The following ZFPM2 variants were observed in gnomAD, a reference collection of about 807,000 sequenced individuals.
ZFPM2 encodes the protein zinc finger protein ZFPM2.
ZFPM2 carries 20 observed loss-of-function variants against 98.6 expected under a neutral mutation model. That is an observed-to-expected ratio of 0.20 (90% CI 0.14 to 0.29). The LOEUF (loss-of-function observed/expected upper bound fraction) is 0.29, where lower values mean the gene tolerates loss of function less well. ZFPM2 is among the 10% of genes least tolerant of loss of function. The pLI, the probability that ZFPM2 is intolerant of heterozygous loss-of-function variation, is 1.00. For missense variants in ZFPM2, 1,310 were observed against 1,388.6 expected, an observed-to-expected ratio of 0.94 and a Z score of 0.90; for synonymous variants, 518 against 502.7, an observed-to-expected ratio of 1.03 and a Z score of -0.41.
At chr8:105,456,147 T>G (rs1812585124) in intron 3 of ZFPM2, among the ~76,000 whole-genome samples, 2 of 95,498 alleles carry the variant, frequency 2.1e-5, no homozygotes, top group South Asian at 3.6e-4. Context: ...CAGGAAAATG[T>G]TTTTTTTTGT....
rs142501095 is a variant in ZFPM2 at position 105,526,169 on chromosome 8, T to C, written c.302-35194T>C. On this transcript the variant is annotated intron_variant, in intron 3 of 7. Transcript: ENST00000407775. ...TGACATTGTAGCTTTTTAGGGATAA[T>C]TTTTTTCCCCCTTTCTCTTGAAAAT... Among the ~76,000 whole-genome samples the C allele has an allele frequency of 2.4e-3, 359 of 152,226 alleles. 3 individuals carry two copies. The highest frequency in any genetic ancestry group is 8.4e-3 in the African/African-American group (349 of 41,550).
At chr8:105,554,519 A>G (rs1341009731) in intron 3 of ZFPM2, among the ~76,000 whole-genome samples, 1 of 152,190 alleles carries the variant, frequency 6.6e-6, no homozygotes, top group Non-Finnish European at 1.5e-5. Flanking sequence ...ATGTCTTCCA[A>G]CCATGAAGAA....
chr8:105,764,079 G>T (rs982191453), intron 5 of ZFPM2, among the ~76,000 whole-genome samples: 2 of 151,840 alleles, frequency 1.3e-5, no homozygotes, highest in South Asian at 2.1e-4. Flanking sequence ...TCAGCCTGTT[G>T]TGTTTTTCCA....
intron 1 of ZFPM2, among the ~76,000 whole-genome samples, chr8:105,415,905 C>T (rs1811671348): frequency 6.6e-6 from 1 of 152,014 alleles, no homozygotes; most frequent in Admixed American, 6.6e-5. Context: ...CTTCCTATGG[C>T]CTGTTTTAAA....
chr8:105,522,356 A>G (rs1402405360), intron 3 of ZFPM2, among the ~76,000 whole-genome samples: 1 of 152,246 alleles, frequency 6.6e-6, no homozygotes, highest in Non-Finnish European at 1.5e-5. Flanking sequence ...ACTTTTCACC[A>G]TGTAATTAAA....
At chr8:105,402,473 T>A (rs1811359171) in intron 1 of ZFPM2, among the ~76,000 whole-genome samples, 1 of 152,018 alleles carries the variant, frequency 6.6e-6, no homozygotes, top group Non-Finnish European at 1.5e-5. Context: ...TTAAAAAATT[T>A]ATTTTTATCT....
At chr8:105,516,809 A>G (rs1278181752) in intron 3 of ZFPM2, among the ~76,000 whole-genome samples, 1 of 152,216 alleles carries the variant, frequency 6.6e-6, no homozygotes, top group East Asian at 1.9e-4. Flanking sequence ...GCACCGTTCC[A>G]GAGTATTGTC....
At chr8:105,749,811 G>A (rs145644489) in intron 5 of ZFPM2, among the ~76,000 whole-genome samples, 2 of 151,908 alleles carry the variant, frequency 1.3e-5, no homozygotes, top group South Asian at 2.1e-4. Flanking sequence ...AGTGGAGGAA[G>A]GGGGGCAGAA....
intron 1 of ZFPM2, among the ~76,000 whole-genome samples, chr8:105,337,125 A>G (rs540130800): frequency 2.6e-5 from 4 of 151,808 alleles, no homozygotes; most frequent in Non-Finnish European, 4.4e-5. Context: ...TATTAGGACA[A>G]TCCAGCTGGT....
chr8:105,553,723 T>G (rs1451726944), intron 3 of ZFPM2, among the ~76,000 whole-genome samples: 3 of 152,196 alleles, frequency 2.0e-5, no homozygotes, highest in Non-Finnish European at 2.9e-5. Context: ...GAGACTCATC[T>G]TTGGCAAATC....
intron 5 of ZFPM2, among the ~76,000 whole-genome samples, chr8:105,725,496 C>T (rs566184815): frequency 4.6e-5 from 7 of 151,800 alleles, no homozygotes; most frequent in South Asian, 4.1e-4. Flanking sequence ...AAGACCAAGA[C>T]AATTGTTTCA....
chr8:105,681,243 C>T (rs540667613), intron 5 of ZFPM2, among the ~76,000 whole-genome samples: 133 of 152,218 alleles, frequency 8.7e-4, no homozygotes, highest in African/African-American at 3.0e-3. Context: ...CCCATGTCCT[C>T]ATGTCTCTAC....
intron 5 of ZFPM2, among the ~76,000 whole-genome samples, chr8:105,767,102 A>G (rs1386649328): frequency 6.6e-6 from 1 of 151,848 alleles, no homozygotes; most frequent in Non-Finnish European, 1.5e-5. Context: ...ATCACAATAA[A>G]TATTGTGGTT....
chr8:105,608,232 G>A (rs1459470877), intron 4 of ZFPM2, among the ~76,000 whole-genome samples: 1 of 151,950 alleles, frequency 6.6e-6, no homozygotes, highest in Non-Finnish European at 1.5e-5. Flanking sequence ...TTGGGTACGG[G>A]GCTTAGTAAC....
At chr8:105,509,802 T>G (rs1269571786) in intron 3 of ZFPM2, among the ~76,000 whole-genome samples, 9 of 152,206 alleles carry the variant, frequency 5.9e-5, no homozygotes, top group Admixed American at 5.9e-4. Context: ...AGATTTTGTT[T>G]CATATAAATA....
intron 5 of ZFPM2, among the ~76,000 whole-genome samples, chr8:105,753,120 C>T (rs750395399): frequency 6.6e-5 from 10 of 152,108 alleles, no homozygotes; most frequent in Non-Finnish European, 1.3e-4. Flanking sequence ...CTCTCATTAG[C>T]AAACCAAACA....
At chr8:105,495,413 C>G (rs1466074494) in intron 3 of ZFPM2, among the ~76,000 whole-genome samples, 1 of 152,144 alleles carries the variant, frequency 6.6e-6, no homozygotes, top group African/African-American at 2.4e-5. Flanking sequence ...AAATTTTGCT[C>G]CCTTGATACA....
At chr8:105,493,500 A>G (rs1453523618) in intron 3 of ZFPM2, among the ~76,000 whole-genome samples, 2 of 152,200 alleles carry the variant, frequency 1.3e-5, no homozygotes, top group African/African-American at 4.8e-5. Flanking sequence ...ACTGCAAGTG[A>G]TAAGAGAAGT....
At chr8:105,336,330 G>C (rs960825870) in intron 1 of ZFPM2, among the ~76,000 whole-genome samples, 1 of 151,666 alleles carries the variant, frequency 6.6e-6, no homozygotes, top group Non-Finnish European at 1.5e-5. Context: ...ACAGCACCAG[G>C]TATGCACTGA....
Sources: allele counts gnomAD v4.1 joint callset (sites outside exome capture counted in the v4.1 genomes callset), GRCh38; gene constraint gnomAD v4.1.1; transcripts MANE v1.5; gene names NCBI Gene and HGNC (gene_info 2026-07-23, HGNC 2026-07-21).